Variants in MAP3K13 observed in about 807,000 individuals in gnomAD.
MAP3K13 encodes the protein mitogen-activated protein kinase kinase kinase 13, also known as leucine zipper-bearing kinase.
MAP3K13 carries 52 observed loss-of-function variants against 104.0 expected under a neutral mutation model. The observed-to-expected ratio is 0.50, with a 90% CI of 0.40 to 0.63. The LOEUF is 0.63. Ranked by LOEUF, MAP3K13 falls within the 20% of genes least tolerant of loss-of-function variation. The pLI is 0.00. For missense variants in MAP3K13, 914 were observed against 1,218.5 expected (o/e 0.75, Z 3.72); for synonymous variants, 394 against 442.2 (o/e 0.89, Z 1.37).
chr3:185,369,981 T>C (rs925666492), intron 1 of MAP3K13, among the ~76,000 whole-genome samples: 1 of 152,234 alleles, frequency 6.6e-6, no homozygotes, highest in Admixed American at 6.5e-5. Flanking sequence ...GCAAGGCAGT[T>C]ACCCACTTAG....
intron 1 of MAP3K13, among the ~76,000 whole-genome samples, chr3:185,408,264 T>G (rs1713232009): frequency 6.6e-6 from 1 of 152,038 alleles, no homozygotes. Flanking sequence ...TGGTAAGCTC[T>G]CAATAAAATG....
chr3:185,294,092 G>A (rs1720836716), intron 2 of MAP3K13, among the ~76,000 whole-genome samples: 1 of 152,138 alleles, frequency 6.6e-6, no homozygotes, highest in Non-Finnish European at 1.5e-5. Context: ...AGTAGAGAGA[G>A]GCTATCGAGA....
At chr3:185,381,800 C>T (rs559769396) in intron 1 of MAP3K13, among the ~76,000 whole-genome samples, 2 of 152,314 alleles carry the variant, frequency 1.3e-5, no homozygotes, top group South Asian at 4.1e-4. Flanking sequence ...TGCAAAGTGT[C>T]CTTAAACAGA....
intron 2 of MAP3K13, among the ~76,000 whole-genome samples, chr3:185,321,497 G>T (rs370474545): frequency 1.3e-5 from 2 of 152,148 alleles, no homozygotes; most frequent in South Asian, 2.1e-4. Context: ...ATACATTCAA[G>T]ATTTTTTTCA....
At chr3:185,461,275 T>A (rs1028247453) in intron 7 of MAP3K13, among the ~76,000 whole-genome samples, 2 of 152,220 alleles carry the variant, frequency 1.3e-5, no homozygotes, top group Non-Finnish European at 2.9e-5. Flanking sequence ...GGCTTTCTAA[T>A]GGCATTGTTG....
chr3:185,347,565 A>G (rs1164803909), intron 2 of MAP3K13, among the ~76,000 whole-genome samples: 3 of 152,134 alleles, frequency 2.0e-5, no homozygotes, highest in African/African-American at 7.2e-5. Context: ...TCTCTTTCAC[A>G]TTTTTAAAAC....
chr3:185,425,020 T>C (rs1714335518), intron 1 of MAP3K13, among the ~76,000 whole-genome samples: 1 of 152,222 alleles, frequency 6.6e-6, no homozygotes, highest in Non-Finnish European at 1.5e-5. Context: ...GTAATTTCTG[T>C]ATTTTTTGTA....
At chr3:185,425,777 G>A (rs1048243000) in intron 1 of MAP3K13, among the ~76,000 whole-genome samples, 1 of 152,074 alleles carries the variant, frequency 6.6e-6, no homozygotes, top group Admixed American at 6.5e-5. Flanking sequence ...CTTTCCTAGT[G>A]ACCATTAATT....
At chr3:185,337,103 C>T (rs1318926115) in intron 2 of MAP3K13, among the ~76,000 whole-genome samples, 6 of 152,176 alleles carry the variant, frequency 3.9e-5, no homozygotes, top group Admixed American at 3.3e-4. Flanking sequence ...TGAGTTCTCA[C>T]TATGTTGCCC....
At chr3:185,385,066 T>C (rs1711606314) in intron 1 of MAP3K13, among the ~76,000 whole-genome samples, 1 of 152,216 alleles carries the variant, frequency 6.6e-6, no homozygotes, top group Non-Finnish European at 1.5e-5. Context: ...AGTAGTTTTA[T>C]AGTTTCAGGT....
At chr3:185,430,552 T>C (rs974962282) in intron 2 of MAP3K13, among the ~76,000 whole-genome samples, 6 of 152,326 alleles carry the variant, frequency 3.9e-5, no homozygotes, top group Middle Eastern at 6.8e-3. Flanking sequence ...ACATGTGATA[T>C]TTGGTTTTCT....
Position 185,454,846 on chromosome 3 carries a change from G to A in MAP3K13, c.1278+3451G>A, listed in dbSNP as rs1244481618. ...TGAGATATATACATGATATATATAT[G>A]AGATATATACATGATATATATATGA... On this transcript the variant is annotated intron_variant, in intron 7 of 13. Coordinates refer to ENST00000265026, the MANE Select transcript of MAP3K13 (RefSeq NM_004721.5). 2.8e-5 allele frequency among the ~76,000 whole-genome samples: 2 copies of A among 70,266 alleles called. 1 individual carries two copies. Among genetic ancestry groups the A allele is most frequent in the Non-Finnish European group, 5.5e-5 (2 of 36,138 alleles). 46.1% of individuals were successfully genotyped at this position (70,266 alleles called of 152,430 possible).
chr3:185,454,315 G>T lies in MAP3K13; in HGVS notation c.1278+2920G>T, dbSNP rs539776300. Among the ~76,000 whole-genome samples the T allele has an allele frequency of 2.5e-4, 23 of 90,596 alleles. 1 individual carries two copies. Among genetic ancestry groups the T allele is most frequent in the African/African-American group, 3.6e-4 (7 of 19,658 alleles). The allele number at this position is 90,596 out of a possible 152,430, so 59.4% of individuals were successfully genotyped here. A position where few individuals can be genotyped will look rare whatever the true frequency, so the allele number is the denominator to read the frequency against. The stretch of plus-strand genomic sequence containing the variant: ...TGAGATATATATCATATATATATGA[G>T]ATATATATGAGATATATATGATATA... On this transcript the variant is annotated intron_variant, in intron 7 of 13. Coordinates refer to ENST00000265026, the MANE Select transcript of MAP3K13 (RefSeq NM_004721.5).
At chr3:185,417,515 C>T (rs1011846702) in intron 1 of MAP3K13, 1 of 1,602,232 alleles carries the variant, frequency 6.2e-7, no homozygotes, top group African/African-American at 1.4e-5. Context: ...GGCTTCTTTT[C>T]CTCTGTAGTA....
At chr3:185,437,012 A>G in intron 2 of MAP3K13, among the ~76,000 whole-genome samples, 1 of 148,858 alleles carries the variant, frequency 6.7e-6, no homozygotes, top group Non-Finnish European at 1.5e-5. Flanking sequence ...AAAAAAAAAA[A>G]AAAAAAAAAA....
At chr3:185,460,021 T>C (rs1446521832) in intron 7 of MAP3K13, among the ~76,000 whole-genome samples, 2 of 152,268 alleles carry the variant, frequency 1.3e-5, no homozygotes, top group African/African-American at 4.8e-5. Flanking sequence ...AAGGTTCACG[T>C]ATTTTGTAGC....
Position 185,473,227 on chromosome 3 carries a change from T to G in MAP3K13, c.1896T>G (p.His632Gln). The G allele has an allele frequency of 6.2e-6, 10 of 1,614,168 alleles. No individual in the cohort carries two copies. Among genetic ancestry groups the G allele is most frequent in the Non-Finnish European group, 8.5e-6 (10 of 1,180,024 alleles). Residue 632 changes from histidine (H) to glutamine (Q), a missense_variant, in exon 11 of 14, where the codon CAT becomes CAG. Physicochemically the swap from His to Gln is conservative, Grantham distance 24. This residue lies in a region of MAP3K13 where 583 missense variants were observed against 737.4 expected (regional missense o/e 0.79). Transcript: ENST00000265026. This position sits in a 1 kb window ranked among gnomAD's most constrained non-coding sequence, Gnocchi z 4.9. Reference protein sequence around the residue: ...HQAQSQYPSLHHHNSLQQQYQ... With the variant: ...HQAQSQYPSLQHHNSLQQQYQ... ...CTCAATCCCAATACCCTTCTCTTCA[T>G]CACCATAATTCTCTGCAGCAGCAAT... is the stretch of plus-strand genomic sequence containing the variant.
chr3:185,314,109 A>G (rs1414880803), intron 2 of MAP3K13, among the ~76,000 whole-genome samples: 1 of 152,244 alleles, frequency 6.6e-6, no homozygotes, highest in South Asian at 2.1e-4. Context: ...ACCAGCTGAC[A>G]TTGCGAATCC....
At chr3:185,288,012 G>C (rs1397820248) in intron 2 of MAP3K13, among the ~76,000 whole-genome samples, 1 of 152,178 alleles carries the variant, frequency 6.6e-6, no homozygotes, top group African/African-American at 2.4e-5. Flanking sequence ...ACTCCATCCT[G>C]GGCAAACTTG....
Sources: gnomAD v4.1 joint callset for allele counts (sites outside exome capture counted in the v4.1 genomes callset) on GRCh38, gnomAD v4.1.1 for gene constraint, gnomAD v4.1.1 regional missense constraint, Gnocchi (gnomAD v3.1) non-coding constraint, MANE v1.5 for transcripts, NCBI Gene and HGNC (gene_info 2026-07-23, HGNC 2026-07-21) for gene names.